The following NAV2 variants were observed in gnomAD, a reference collection of about 807,000 sequenced individuals.
The protein encoded by NAV2 is neuron navigator 2, also known as helicase, APC down-regulated 1.
In NAV2, 54 loss-of-function variants were observed where a neutral mutation model predicts 223.2. The ratio of observed to expected loss-of-function variants is 0.24; its 90% CI spans 0.19 to 0.30. NAV2 has a LOEUF of 0.30. Among genes scored for constraint, NAV2 ranks in the 10% least tolerant of loss-of-function variants. The pLI, the probability that NAV2 is intolerant of heterozygous loss-of-function variation, is 1.00. For missense variants in NAV2, 2,806 were observed against 3,147.5 expected, an observed-to-expected ratio of 0.89 and a Z score of 2.60; for synonymous variants, 1,279 against 1,239.3, an observed-to-expected ratio of 1.03 and a Z score of -0.67.
At chr11:19,651,017 A>G (rs1008042421) in intron 1 of NAV2, among the ~76,000 whole-genome samples, 1 of 152,196 alleles carries the variant, frequency 6.6e-6, no homozygotes, top group East Asian at 1.9e-4. Flanking sequence ...TATTCTATGT[A>G]AACTATTTCT....
rs944303738 is a variant in NAV2, at chr11:19,455,011, C to T, written c.75+103984C>T. 2.8e-4 allele frequency among the ~76,000 whole-genome samples: 42 copies of T among 152,202 alleles called. 1 individual carries two copies. Among genetic ancestry groups the T allele is most frequent in the African/African-American group, 1.0e-3 (42 of 41,452 alleles). ...ATTCTCAGGCCCCAGCCCAGATTTA[C>T]TGAATCACAGACTCTGGGGGTCAGG... On this transcript the variant is annotated intron_variant, in intron 1 of 37. Coordinates refer to the NAV2 transcript ENST00000360655.
At chr11:20,111,300 G>T (rs79749138) in intron 36 of NAV2, among the ~76,000 whole-genome samples, 3,797 of 152,268 alleles carry the variant, frequency 0.025, 160 homozygotes, top group African/African-American at 0.086. Context: ...GGGATGCCAG[G>T]TTCCTTCTCC....
At chr11:19,720,186 T>C (rs546162549) in intron 1 of NAV2, among the ~76,000 whole-genome samples, 14 of 152,358 alleles carry the variant, frequency 9.2e-5, no homozygotes, top group African/African-American at 3.4e-4. Context: ...TCAATGACTA[T>C]TCTGTCTCTT....
chr11:19,351,259 G>A lies in NAV2; in HGVS notation c.75+232G>A, dbSNP rs190279446. 2.9e-3 allele frequency among the ~76,000 whole-genome samples: 440 copies of A among 152,300 alleles called. 4 individuals carry two copies. Among genetic ancestry groups the A allele is most frequent in the African/African-American group, 0.01 (421 of 41,578 alleles). ...AAATTCAGTCCTGGCAGCCAAAAAG[G>A]CAAAGATTTATAAGCGTTAACTGAG... On this transcript the variant is annotated intron_variant, in intron 1 of 37. Transcript: ENST00000360655.
intron 37 of NAV2, among the ~76,000 whole-genome samples, chr11:20,115,538 A>T (rs563295347): frequency 7.0e-6 from 1 of 143,464 alleles, no homozygotes; most frequent in South Asian, 2.4e-4. Context: ...AGGCTGAGGC[A>T]GGAGAATGGC....
In NAV2 at chr11:19,544,828, C is replaced by T. The variant is rs192837407; in HGVS notation, c.75+193801C>T. 2.3e-3 allele frequency among the ~76,000 whole-genome samples: 346 copies of T among 152,302 alleles called. 2 individuals carry two copies. Among genetic ancestry groups the T allele is most frequent in the Admixed American group, 4.1e-3 (62 of 15,306 alleles). ...ACTTCCTAGCTGTTAAGATTGCTGG[C>T]AAATCTTCCAAACTGTCTGTCAGCC... is the stretch of plus-strand genomic sequence containing the variant. On this transcript the variant is annotated intron_variant, in intron 1 of 37. Transcript: ENST00000360655.
intron 31 of NAV2, among the ~76,000 whole-genome samples, chr11:20,099,485 G>T (rs754734911): frequency 1.3e-5 from 2 of 152,160 alleles, no homozygotes; most frequent in African/African-American, 4.8e-5. Context: ...CTAGTGGAGC[G>T]TGCCACCCCT....
At chr11:19,983,510 C>CACTTTCATATTCCTTATCTCA (rs2050483092) in intron 10 of NAV2, among the ~76,000 whole-genome samples, 1 of 152,136 alleles carries the variant, frequency 6.6e-6, no homozygotes, top group Non-Finnish European at 1.5e-5. Flanking sequence ...AATTTCAGTG[C>CACTTTCATATTCCTTATCTCA]ACTTTCATAT....
chr11:20,041,512 A>C, intron 12 of NAV2, among the ~76,000 whole-genome samples: 1 of 152,344 alleles, frequency 6.6e-6, no homozygotes, highest in Middle Eastern at 3.4e-3. Context: ...ATTGGGGGGA[A>C]ATAAGTATAG....
In NAV2 at chr11:19,401,271, C is replaced by G. The variant is rs149530720; in HGVS notation, c.75+50244C>G. Among the ~76,000 whole-genome samples the G allele has an allele frequency of 1.2e-4, 18 of 152,304 alleles. No homozygotes were observed. In the East Asian group the frequency reaches 3.5e-3, roughly 29 times the overall value. The stretch of plus-strand genomic sequence containing the variant: ...GCATTGAATGACCAAATTTCTTTTT[C>G]TTTGGGATATTCATGTAAAATATAA... On this transcript the variant is annotated intron_variant, in intron 1 of 37. Coordinates refer to the NAV2 transcript ENST00000360655.
At chr11:19,527,304 T>A (rs2043871544) in intron 1 of NAV2, among the ~76,000 whole-genome samples, 1 of 152,238 alleles carries the variant, frequency 6.6e-6, no homozygotes, top group Non-Finnish European at 1.5e-5. Flanking sequence ...ATGTACCTTT[T>A]GCCTTCTGTC....
At chr11:19,556,090 G>A (rs1181726403) in intron 1 of NAV2, among the ~76,000 whole-genome samples, 1 of 152,076 alleles carries the variant, frequency 6.6e-6, no homozygotes, top group Non-Finnish European at 1.5e-5. Flanking sequence ...AGCTCCCCGG[G>A]GACCAGGAAG....
intron 1 of NAV2, among the ~76,000 whole-genome samples, chr11:19,691,274 A>G (rs2049167289): frequency 6.6e-6 from 1 of 152,080 alleles, no homozygotes; most frequent in Admixed American, 6.5e-5. Context: ...AAAACAGATG[A>G]CATTCATTAT....
chr11:19,726,863 C>T (rs1429191643), intron 1 of NAV2, among the ~76,000 whole-genome samples: 1 of 152,060 alleles, frequency 6.6e-6, no homozygotes, highest in Non-Finnish European at 1.5e-5. Context: ...GCATTTATGC[C>T]CTCAACCCCT....
intron 26 of NAV2, among the ~76,000 whole-genome samples, chr11:20,089,903 TG>T (rs2060714764): frequency 6.6e-6 from 1 of 152,202 alleles, no homozygotes; most frequent in Non-Finnish European, 1.5e-5. Flanking sequence ...GACCTTGACC[TG>T]GTGTGCAGCA....
intron 3 of NAV2, among the ~76,000 whole-genome samples, chr11:19,850,988 C>T (rs2061085630): frequency 1.3e-5 from 2 of 152,220 alleles, no homozygotes; most frequent in Non-Finnish European, 2.9e-5. Flanking sequence ...TCTTTCCCCT[C>T]ACACAGTAGC....
intron 1 of NAV2, among the ~76,000 whole-genome samples, chr11:19,541,765 G>A (rs985808414): frequency 2.0e-5 from 3 of 152,168 alleles, no homozygotes; most frequent in African/African-American, 7.2e-5. Flanking sequence ...CCTCCAGGGG[G>A]TCATTTTATT....
intron 6 of NAV2, among the ~76,000 whole-genome samples, chr11:19,932,236 CAAAA>C (rs398015484): frequency 9.9e-4 from 78 of 78,990 alleles, no homozygotes; most frequent in African/African-American, 3.2e-3. Flanking sequence ...CACTCTTAAG[CAAAA>C]AAAAAAAAAA....
Position 19,543,444 on chromosome 11 carries a change from C to T in NAV2, c.75+192417C>T, listed in dbSNP as rs553261212. Reference sequence around the variant, plus strand: ...TCACTGGGCTTTTTGTGTTTGTTTGCGTGGTCCTGTATCTATTCTTTTTCT... The same window carrying T: ...TCACTGGGCTTTTTGTGTTTGTTTGTGTGGTCCTGTATCTATTCTTTTTCT... On this transcript the variant is annotated intron_variant, in intron 1 of 37. Coordinates refer to the NAV2 transcript ENST00000360655. Among the ~76,000 whole-genome samples, 17 of 152,222 alleles carry T rather than the reference C, an allele frequency of 1.1e-4. No homozygotes were observed. In the South Asian group the frequency reaches 2.9e-3, roughly 26 times the overall value.
Sources: allele counts gnomAD v4.1 joint callset (sites outside exome capture counted in the v4.1 genomes callset), GRCh38; gene constraint gnomAD v4.1.1; transcripts MANE v1.5; gene names NCBI Gene and HGNC (gene_info 2026-07-23, HGNC 2026-07-21).